SPCS2: variants seen among roughly 807,000 people sequenced by gnomAD.
The protein encoded by SPCS2 is SPase 25 kDa subunit.
SPCS2 carries 3 observed loss-of-function variants against 22.3 expected under a neutral mutation model. The ratio of observed to expected loss-of-function variants is 0.13; its 90% CI spans 0.06 to 0.35. SPCS2 has a LOEUF of 0.35. Among genes scored for constraint, SPCS2 ranks in the 10% least tolerant of loss-of-function variants. The pLI is 1.00. For synonymous variants in SPCS2, 67 were observed against 97.2 expected (o/e 0.69, Z 1.83); for missense variants, 169 against 280.9 (o/e 0.60, Z 2.85).
chr11:74,964,090 C>T (rs1019781097), intron 1 of SPCS2, among the ~76,000 whole-genome samples: 1 of 152,138 alleles, frequency 6.6e-6, no homozygotes, highest in Non-Finnish European at 1.5e-5. Flanking sequence ...CTGGATGTAC[C>T]GTAGTTTGTT....
chr11:74,951,134 G>T (rs1251026366), intron 1 of SPCS2, among the ~76,000 whole-genome samples: 2 of 152,224 alleles, frequency 1.3e-5, no homozygotes, highest in Non-Finnish European at 1.5e-5. Flanking sequence ...GTTATTGAAA[G>T]AACCCGGATG....
At chr11:74,963,492 G>T in intron 1 of SPCS2, 2 of 351,950 alleles carry the variant, frequency 5.7e-6, no homozygotes, top group Non-Finnish European at 1.1e-5. Context: ...TATTTCTGTA[G>T]TTGTTTAAAA....
At chr11:74,969,506 G>A (rs1202900313) in intron 3 of SPCS2, 59 bp from the exon 4 acceptor site, 4 of 1,526,640 alleles carry the variant, frequency 2.6e-6, no homozygotes, top group Non-Finnish European at 3.6e-6. Context: ...TCTGTTGCTT[G>A]TCAATTTGTG....
At chr11:74,952,788 G>A (rs973072552) in intron 1 of SPCS2, among the ~76,000 whole-genome samples, 10 of 152,226 alleles carry the variant, frequency 6.6e-5, no homozygotes, top group Middle Eastern at 3.2e-3. Context: ...AGGGACAGAA[G>A]AGAATAGTCA....
chr11:74,962,124 G>A (rs1948518063), intron 1 of SPCS2, among the ~76,000 whole-genome samples: 1 of 152,262 alleles, frequency 6.6e-6, no homozygotes, highest in Non-Finnish European at 1.5e-5. Context: ...AGTGGCAATA[G>A]CAGTTTTACA....
At chr11:74,973,443 A>G (rs1013492942) in intron 4 of SPCS2, among the ~76,000 whole-genome samples, 5 of 152,100 alleles carry the variant, frequency 3.3e-5, no homozygotes, top group Admixed American at 1.3e-4. Flanking sequence ...GTTTTCTATC[A>G]TGCCTTAAAC....
intron 4 of SPCS2, among the ~76,000 whole-genome samples, chr11:74,971,749 AT>A (rs111629825): frequency 0.021 from 3,141 of 152,220 alleles, 117 homozygotes; most frequent in African/African-American, 0.07. Flanking sequence ...GCAAAAAGTG[AT>A]TTTGTCACTC....
chr11:74,975,779 A>G (rs1158888671), intron 4 of SPCS2, among the ~76,000 whole-genome samples: 2 of 152,234 alleles, frequency 1.3e-5, no homozygotes, highest in African/African-American at 4.8e-5. Flanking sequence ...TAGTCATGAC[A>G]GTAATCCTGA....
chr11:74,950,695 CCTGA>C (rs1948410927), intron 1 of SPCS2, among the ~76,000 whole-genome samples: 1 of 152,142 alleles, frequency 6.6e-6, no homozygotes, highest in Non-Finnish European at 1.5e-5. Context: ...CACCACTATG[CCTGA>C]CTAATTTTTT....
At chr11:74,964,649 G>A (rs974082959) in intron 1 of SPCS2, among the ~76,000 whole-genome samples, 2 of 152,132 alleles carry the variant, frequency 1.3e-5, no homozygotes, top group Admixed American at 6.5e-5. Flanking sequence ...TCACATTTCG[G>A]TAAAATGAAG....
Position 74,965,094 on chromosome 11 carries a change from T to A in SPCS2, c.175T>A (p.Ser59Thr), listed in dbSNP as rs1948535989. 1 of 1,550,918 alleles carries A rather than the reference T, an allele frequency of 6.4e-7. No individual in the cohort carries two copies. Among genetic ancestry groups the A allele is most frequent in the African/African-American group, 1.4e-5 (1 of 72,986 alleles). The change falls in exon 2 of 5, where the codon TCT becomes ACT. Residue 59 changes from serine to threonine, a missense_variant. By Grantham distance (58) the Ser-to-Thr change is moderately conservative. Coordinates refer to ENST00000263672, the MANE Select transcript of SPCS2 (RefSeq NM_014752.3). ...DKWDGSAVKN[S>T]LDDSAKKVLL... is the part of the protein sequence containing the mutation. ...GTGGGATGGATCAGCTGTGAAAAAC[T>A]CTTTGGATGATTCTGCCAAAAAGGT...
chr11:74,964,985 A>C (rs755867226), intron 1 of SPCS2, 49 bp from the exon 2 acceptor site: 2 of 1,299,088 alleles, frequency 1.5e-6, no homozygotes, highest in Non-Finnish European at 2.2e-6. Context: ...TTTTACTTTC[A>C]GTAAGAGGCC....
At chr11:74,966,142 A>G (rs1252874574) in intron 3 of SPCS2, among the ~76,000 whole-genome samples, 2 of 152,188 alleles carry the variant, frequency 1.3e-5, no homozygotes, top group South Asian at 2.1e-4. Context: ...ATCGTAATTC[A>G]TTTTTGTTAT....
chr11:74,966,939 G>A (rs1948549784), intron 3 of SPCS2, among the ~76,000 whole-genome samples: 2 of 152,074 alleles, frequency 1.3e-5, no homozygotes, highest in Non-Finnish European at 2.9e-5. Context: ...ATTTTTTACA[G>A]AGACAAGGTC....
At chr11:74,958,754 T>G (rs368040352) in intron 1 of SPCS2, among the ~76,000 whole-genome samples, 1 of 152,142 alleles carries the variant, frequency 6.6e-6, no homozygotes, top group African/African-American at 2.4e-5. Context: ...TTATAACTAG[T>G]CTGTTACTAA....
intron 2 of SPCS2, 62 bp from the exon 3 acceptor site, chr11:74,965,701 A>G: frequency 2.1e-6 from 3 of 1,401,072 alleles, no homozygotes; most frequent in Admixed American, 2.0e-5. Context: ...GAAATCAAGA[A>G]TAAAAGCACA....
At chr11:74,949,804 G>C (rs2140201462) in intron 1 of SPCS2, among the ~76,000 whole-genome samples, 1 of 152,228 alleles carries the variant, frequency 6.6e-6, no homozygotes, top group East Asian at 1.9e-4. Flanking sequence ...CATCACCCTT[G>C]CGTGCTGCTA....
intron 4 of SPCS2, among the ~76,000 whole-genome samples, chr11:74,976,640 A>G (rs565783672): frequency 6.6e-6 from 1 of 152,364 alleles, no homozygotes; most frequent in African/African-American, 2.4e-5. Context: ...TAATTAAAGT[A>G]GGAAAGATAT....
chr11:74,969,001 CAA>C (rs1266610920), intron 3 of SPCS2, among the ~76,000 whole-genome samples: 13 of 152,148 alleles, frequency 8.5e-5, no homozygotes, highest in East Asian at 3.8e-4. Flanking sequence ...ACAGTATACA[CAA>C]AGCTCTTATG....
Sources: allele counts gnomAD v4.1 joint callset (sites outside exome capture counted in the v4.1 genomes callset), GRCh38; gene constraint gnomAD v4.1.1; transcripts MANE v1.5; gene names NCBI Gene and HGNC (gene_info 2026-07-23, HGNC 2026-07-21).